RAD54L2: variants seen among roughly 807,000 people sequenced by gnomAD.
RAD54L2 encodes the protein RAD54 like 2.
Under a neutral mutation model 138.4 loss-of-function variants are expected in RAD54L2, and 27 were observed. The observed-to-expected ratio is 0.20, with a 90% confidence interval of 0.14 to 0.27. RAD54L2 has a LOEUF of 0.27. Among genes scored for constraint, RAD54L2 ranks in the 10% least tolerant of loss-of-function variants. The probability of loss-of-function intolerance (pLI) is 1.00; values close to 1 mark genes in which losing one functional copy is unlikely to be tolerated. For missense variants in RAD54L2, 1,396 were observed against 1,890.2 expected, an observed-to-expected ratio of 0.74 and a Z score of 4.85; for synonymous variants, 644 against 723.2, an observed-to-expected ratio of 0.89 and a Z score of 1.76.
At chr3:51,572,919 T>TGAGC (rs1699371371) in intron 2 of RAD54L2, among the ~76,000 whole-genome samples, 1 of 152,052 alleles carries the variant, frequency 6.6e-6, no homozygotes, top group Non-Finnish European at 1.5e-5. Context: ...ATTACAGGTA[T>TGAGC]GAGCCACTGT....
intron 3 of RAD54L2, among the ~76,000 whole-genome samples, chr3:51,599,682 AGCTGAGATT>A (rs1350695120): frequency 1.3e-5 from 2 of 150,018 alleles, no homozygotes; most frequent in African/African-American, 4.9e-5. Context: ...CCTCCTGAGT[AGCTGAGATT>A]GCTGAGATTG....
chr3:51,547,893 C>CT (rs1449638369), intron 2 of RAD54L2, among the ~76,000 whole-genome samples: 52 of 150,908 alleles, frequency 3.4e-4, no homozygotes, highest in African/African-American at 9.7e-4. Context: ...TTCTTTCTTT[C>CT]TTTTTTTTTG....
At chr3:51,564,349 G>A (rs946074359) in intron 2 of RAD54L2, among the ~76,000 whole-genome samples, 2 of 152,210 alleles carry the variant, frequency 1.3e-5, no homozygotes, top group African/African-American at 2.4e-5. Flanking sequence ...GAAGCAATAT[G>A]TCTCTGCCTT....
At chr3:51,651,716 G>C (rs965060487) in intron 19 of RAD54L2, among the ~76,000 whole-genome samples, 1 of 152,242 alleles carries the variant, frequency 6.6e-6, no homozygotes, top group East Asian at 1.9e-4. Flanking sequence ...TGCAGAAAAG[G>C]CATTCGACAA....
intron 3 of RAD54L2, among the ~76,000 whole-genome samples, chr3:51,626,476 A>G (rs923724119): frequency 2.0e-4 from 15 of 75,608 alleles, no homozygotes; most frequent in African/African-American, 6.2e-4. Flanking sequence ...AGGGAGTCTC[A>G]TTATGTCGCC....
intron 3 of RAD54L2, among the ~76,000 whole-genome samples, chr3:51,604,705 G>A (rs1467011091): frequency 6.6e-6 from 1 of 152,176 alleles, no homozygotes; most frequent in Non-Finnish European, 1.5e-5. Flanking sequence ...AAGCATTGCT[G>A]ATGGGCTGGA....
At position 51,665,680 on chromosome 3, in the gene RAD54L2, G is replaced by A. The variant is rs1701896245; in HGVS notation, c.*2260G>A. 6.6e-6 allele frequency: 1 copy of A among 152,238 alleles called. No individual in the cohort carries two copies. Among genetic ancestry groups the A allele is most frequent in the African/African-American group, 2.4e-5 (1 of 41,454 alleles). 9.4% of individuals were successfully genotyped at this position (152,238 alleles called of 1,614,324 possible). A position where few individuals can be genotyped will look rare whatever the true frequency, so the allele number is the denominator to read the frequency against. On this transcript the variant is annotated 3_prime_UTR_variant, in exon 23 of 23. Transcript: ENST00000684192. ...CTCAGTTGGAGTGAGCTCTCAGGTT[G>A]AGGCTGGTGCAGTAGGAGTGAGCTA... is the stretch of plus-strand genomic sequence containing the variant.
At chr3:51,648,888 C>T (rs1701355773) in intron 19 of RAD54L2, among the ~76,000 whole-genome samples, 1 of 152,108 alleles carries the variant, frequency 6.6e-6, no homozygotes, top group Non-Finnish European at 1.5e-5. Flanking sequence ...ACCAGAGCAC[C>T]TCTTCTCCTC....
rs182568894 is a variant in RAD54L2, at chr3:51,620,486, T to C, written c.140-7067T>C. On this transcript the variant is annotated intron_variant, in intron 3 of 22. Coordinates refer to ENST00000684192, the MANE Select transcript of RAD54L2 (RefSeq NM_015106.4). ...GTTTGTTATATAGGTAAATTGCATGTCTCAGGAGTTCAGTTCATCTTTTTT... is the reference window on the plus strand; with the variant it reads ...GTTTGTTATATAGGTAAATTGCATGCCTCAGGAGTTCAGTTCATCTTTTTT... 5.3e-5 allele frequency among the ~76,000 whole-genome samples: 8 copies of C among 150,564 alleles called. No homozygotes were observed. In the Admixed American group the frequency reaches 5.4e-4, roughly 10 times the overall value.
intron 3 of RAD54L2, among the ~76,000 whole-genome samples, chr3:51,591,227 C>G (rs1416475918): frequency 1.3e-5 from 2 of 152,134 alleles, no homozygotes; most frequent in African/African-American, 4.8e-5. Context: ...TTTTAATGTT[C>G]AGTCTAATGT....
intron 10 of RAD54L2, 37 bp downstream of exon 10, chr3:51,635,826 T>G (rs375296299): frequency 5.2e-6 from 8 of 1,540,706 alleles, no homozygotes; most frequent in Non-Finnish European, 7.0e-6. Context: ...TTGTTGGTGT[T>G]TCAGGAAAAA....
chr3:51,654,235 G>A (rs755562685), intron 19 of RAD54L2, among the ~76,000 whole-genome samples: 3 of 152,152 alleles, frequency 2.0e-5, no homozygotes, highest in African/African-American at 4.8e-5. Context: ...TTTTAGTAGA[G>A]ACTGTGTTTC....
chr3:51,580,647 C>T (rs1181543476), intron 2 of RAD54L2, among the ~76,000 whole-genome samples: 4 of 152,148 alleles, frequency 2.6e-5, no homozygotes, highest in African/African-American at 9.7e-5. Context: ...ACTCCCATCA[C>T]GTAGGAAATT....
At chr3:51,560,601 C>T (rs1194159553) in intron 2 of RAD54L2, among the ~76,000 whole-genome samples, 1 of 152,194 alleles carries the variant, frequency 6.6e-6, no homozygotes, top group African/African-American at 2.4e-5. Context: ...TCATGATCCA[C>T]CTGCCTCTGC....
At chr3:51,581,272 A>T (rs1699603821) in intron 2 of RAD54L2, among the ~76,000 whole-genome samples, 1 of 152,036 alleles carries the variant, frequency 6.6e-6, no homozygotes, top group African/African-American at 2.4e-5. Context: ...TAATTTTTGT[A>T]TTTTTAGTAG....
Position 51,545,105 on chromosome 3 carries a change from T to C in RAD54L2, c.-55+3455T>C, listed in dbSNP as rs527353345. ...GTCTAATACTGTACTAATTCTGAAG[T>C]GTCTGGAGCTGTATGTTCTGAGTTA... On this transcript the variant is annotated intron_variant, in intron 2 of 22. Transcript: ENST00000684192. 1.7e-4 allele frequency among the ~76,000 whole-genome samples: 26 copies of C among 152,338 alleles called. No individual in the cohort carries two copies. In the South Asian group the frequency reaches 5.0e-3, roughly 29 times the overall value.
At chr3:51,546,621 CA>C (rs1553672335) in intron 2 of RAD54L2, among the ~76,000 whole-genome samples, 1 of 151,874 alleles carries the variant, frequency 6.6e-6, no homozygotes, top group African/African-American at 2.4e-5. Flanking sequence ...GCCCAGGCAA[CA>C]AGAGTGAAAC....
At chr3:51,582,320 T>C (rs572186598) in intron 2 of RAD54L2, among the ~76,000 whole-genome samples, 4 of 152,330 alleles carry the variant, frequency 2.6e-5, no homozygotes, top group Admixed American at 2.6e-4. Flanking sequence ...AAAGCCTTTG[T>C]TCACAAGCAA....
At chr3:51,646,503 G>A in intron 19 of RAD54L2, 22 bp downstream of exon 19, 4 of 1,579,968 alleles carry the variant, frequency 2.5e-6, no homozygotes, top group Admixed American at 3.6e-5. Context: ...AAAGGGGAGG[G>A]TCTGCTGCTG....
Sources: allele counts gnomAD v4.1 joint callset (sites outside exome capture counted in the v4.1 genomes callset), GRCh38; gene constraint gnomAD v4.1.1; transcripts MANE v1.5; gene names NCBI Gene and HGNC (gene_info 2026-07-23, HGNC 2026-07-21).